The following CHST11 variants were observed in gnomAD, a reference collection of about 807,000 sequenced individuals.
CHST11 encodes carbohydrate sulfotransferase 11, also known as C4S-1.
In CHST11, 9 loss-of-function variants were observed where a neutral mutation model predicts 30.4. The ratio of observed to expected loss-of-function variants is 0.30; its 90% confidence interval spans 0.18 to 0.52. The LOEUF (loss-of-function observed/expected upper bound fraction) is 0.52. CHST11 is among the 20% of genes least tolerant of loss of function. The pLI is 0.97. For missense variants in CHST11, 348 were observed against 460.6 expected (o/e 0.76, Z 2.24); for synonymous variants, 152 against 187.8 (o/e 0.81, Z 1.56).
intron 2 of CHST11, among the ~76,000 whole-genome samples, chr12:104,663,533 G>C (rs1226833884): frequency 6.6e-6 from 1 of 151,972 alleles, no homozygotes; most frequent in African/African-American, 2.4e-5. Context: ...AATACTCCTA[G>C]CTTATATTGT....
At chr12:104,615,824 A>C (rs1286037988) in intron 2 of CHST11, among the ~76,000 whole-genome samples, 1 of 152,204 alleles carries the variant, frequency 6.6e-6, no homozygotes, top group Admixed American at 6.5e-5. Context: ...GCTACTCAAA[A>C]GGCTGAAGCA....
At chr12:104,736,950 T>C (rs74944396) in intron 2 of CHST11, among the ~76,000 whole-genome samples, 2,633 of 152,304 alleles carry the variant, frequency 0.017, 88 homozygotes, top group African/African-American at 0.06. Context: ...CTTCAGGGCT[T>C]AAGAAGGCCA....
At chr12:104,691,234 C>T (rs1566039701) in intron 2 of CHST11, among the ~76,000 whole-genome samples, 1 of 152,148 alleles carries the variant, frequency 6.6e-6, no homozygotes, top group Non-Finnish European at 1.5e-5. Context: ...TCTGAACTGC[C>T]TTTCAGCTCT....
chr12:104,462,167 C>CAAAAAAAAAAAAAAAA (rs796356338), intron 1 of CHST11, among the ~76,000 whole-genome samples: 2 of 65,596 alleles, frequency 3.0e-5, no homozygotes, highest in African/African-American at 1.0e-4. Flanking sequence ...AACACCATCT[C>CAAAAAAAAAAAAAAAA]AAAAAAAAAA....
At chr12:104,483,828 C>T (rs1265970212) in intron 1 of CHST11, among the ~76,000 whole-genome samples, 2 of 152,090 alleles carry the variant, frequency 1.3e-5, no homozygotes, top group Non-Finnish European at 2.9e-5. Context: ...GGCCTGGGGT[C>T]GGGGAGGACT....
intron 2 of CHST11, among the ~76,000 whole-genome samples, chr12:104,618,241 T>C (rs866722717): frequency 5.1e-4 from 73 of 143,794 alleles, no homozygotes; most frequent in Non-Finnish European, 2.1e-4. Context: ...TTTTTTTTTT[T>C]AAAGCAGGGT....
In CHST11 at chr12:104,760,040, C is replaced by A. The variant is rs1374320520; in HGVS notation, c.*2237C>A. 1.3e-5 allele frequency: 2 copies of A among 152,174 alleles called. No individual in the cohort carries two copies. The highest frequency in any genetic ancestry group is 4.8e-5 in the African/African-American group (2 of 41,422). 9.4% of individuals were successfully genotyped at this position (152,174 alleles called of 1,614,324 possible). ...AAACAAAGTTAAGTCAGTTTCCTTT[C>A]TGCAAGGACTTTTCAGCCTTCAATG... On this transcript the variant is annotated 3_prime_UTR_variant, in exon 3 of 3. Coordinates refer to ENST00000303694, the MANE Select transcript of CHST11 (RefSeq NM_018413.6).
chr12:104,633,840 C>T (rs997360839), intron 2 of CHST11, among the ~76,000 whole-genome samples: 3 of 152,164 alleles, frequency 2.0e-5, no homozygotes, highest in Non-Finnish European at 2.9e-5. Flanking sequence ...AGCCCTCTGT[C>T]CCACAGCTGC....
chr12:104,586,650 G>A lies in CHST11; in HGVS notation c.119-15256G>A, dbSNP rs528711329. Among the ~76,000 whole-genome samples, 13 of 152,382 alleles carry A rather than the reference G, an allele frequency of 8.5e-5. No individual in the cohort carries two copies. In the East Asian group the frequency reaches 2.3e-3, roughly 27 times the overall value. On this transcript the variant is annotated intron_variant, in intron 1 of 2. Transcript: ENST00000303694. ...TGTAAAATCAGACTTGGAGCGCCAGGCAGGGAAGAAAGCACTTCGGCATGT... is the reference window on the plus strand; with the variant it reads ...TGTAAAATCAGACTTGGAGCGCCAGACAGGGAAGAAAGCACTTCGGCATGT...
At chr12:104,653,766 G>A (rs925412858) in intron 2 of CHST11, among the ~76,000 whole-genome samples, 4 of 152,110 alleles carry the variant, frequency 2.6e-5, no homozygotes, top group Non-Finnish European at 5.9e-5. Flanking sequence ...AGTGAGGAAC[G>A]GAGGCTCGAG....
chr12:104,717,856 A>G (rs1472084122), intron 2 of CHST11, among the ~76,000 whole-genome samples: 1 of 152,144 alleles, frequency 6.6e-6, no homozygotes, highest in East Asian at 1.9e-4. Flanking sequence ...AGGCTGAGGC[A>G]GGAGAATCGC....
intron 1 of CHST11, among the ~76,000 whole-genome samples, chr12:104,466,352 C>G (rs1744946286): frequency 6.6e-6 from 1 of 152,198 alleles, no homozygotes; most frequent in Admixed American, 6.5e-5. Context: ...ACAAAACTGA[C>G]TCACTAGGGG....
At chr12:104,652,867 C>G (rs377022108) in intron 2 of CHST11, among the ~76,000 whole-genome samples, 1 of 152,050 alleles carries the variant, frequency 6.6e-6, no homozygotes, top group Non-Finnish European at 1.5e-5. Flanking sequence ...GGAGGCTGCC[C>G]TGCTTGGCCT....
At chr12:104,664,629 C>G (rs2039626848) in intron 2 of CHST11, among the ~76,000 whole-genome samples, 1 of 152,182 alleles carries the variant, frequency 6.6e-6, no homozygotes. Context: ...TAAAATGTTA[C>G]AAGTGCAGAC....
intron 2 of CHST11, among the ~76,000 whole-genome samples, chr12:104,755,009 T>C (rs114400189): frequency 0.014 from 2,136 of 152,302 alleles, 45 homozygotes; most frequent in African/African-American, 0.049. Flanking sequence ...CTGGGGACCA[T>C]GAGAGGAGAT....
At chr12:104,745,800 C>T (rs1472100608) in intron 2 of CHST11, among the ~76,000 whole-genome samples, 1 of 152,152 alleles carries the variant, frequency 6.6e-6, no homozygotes, top group African/African-American at 2.4e-5. Flanking sequence ...TATCCTGAGA[C>T]TTTGCTGAAG....
intron 1 of CHST11, chr12:104,552,228 CTT>C (rs1326836670): frequency 2.0e-5 from 3 of 152,246 alleles, no homozygotes; most frequent in African/African-American, 7.2e-5. Context: ...AGATGAAACA[CTT>C]TGAGCTTCCT....
At chr12:104,557,504 C>T (rs1004035868) in intron 1 of CHST11, among the ~76,000 whole-genome samples, 2 of 151,966 alleles carry the variant, frequency 1.3e-5, no homozygotes, top group African/African-American at 4.8e-5. Context: ...AGGGGGGCAC[C>T]GGCCTGGGTC....
At chr12:104,619,989 G>A (rs962550384) in intron 2 of CHST11, among the ~76,000 whole-genome samples, 12 of 152,188 alleles carry the variant, frequency 7.9e-5, no homozygotes, top group Admixed American at 3.3e-4. Context: ...CAGCCCGGAA[G>A]CTTTGTCATT....
Sources: allele counts gnomAD v4.1 joint callset (sites outside exome capture counted in the v4.1 genomes callset), GRCh38; gene constraint gnomAD v4.1.1; transcripts MANE v1.5; gene names NCBI Gene and HGNC (gene_info 2026-07-23, HGNC 2026-07-21).